Variants in INO80 observed in about 807,000 individuals in gnomAD.
INO80 encodes the protein INO80 complex ATPase subunit, also known as chromatin-remodeling ATPase INO80.
Under a neutral mutation model 203.4 loss-of-function variants are expected in INO80, and 20 were observed. The ratio of observed to expected loss-of-function variants is 0.10; its 90% confidence interval spans 0.07 to 0.14. The LOEUF is 0.14. Ranked by LOEUF, INO80 falls within the 10% of genes least tolerant of loss-of-function variation. The pLI, the probability that INO80 is intolerant of heterozygous loss-of-function variation, is 1.00. For synonymous variants in INO80, 726 were observed against 685.2 expected (o/e 1.06, Z -0.93); for missense variants, 1,419 against 1,914.4 (o/e 0.74, Z 4.83).
intron 12 of INO80, among the ~76,000 whole-genome samples, chr15:41,071,417 G>C (rs1362244217): frequency 6.9e-6 from 1 of 145,934 alleles, no homozygotes; most frequent in Non-Finnish European, 1.5e-5. Flanking sequence ...TTAAAAGGGT[G>C]AAATCTAAAA....
At chr15:40,981,492 A>G (rs1484286555) in intron 35 of INO80, among the ~76,000 whole-genome samples, 1 of 152,186 alleles carries the variant, frequency 6.6e-6, no homozygotes, top group African/African-American at 2.4e-5. Context: ...CATACTTCAT[A>G]TTTCCTGGAA....
intron 1 of INO80, among the ~76,000 whole-genome samples, chr15:41,113,567 C>A (rs2045987203): frequency 6.6e-6 from 1 of 151,998 alleles, no homozygotes; most frequent in Admixed American, 6.6e-5. Flanking sequence ...CGCACCCGGC[C>A]AACAAACTTT....
intron 19 of INO80, among the ~76,000 whole-genome samples, chr15:41,053,505 T>C (rs1345592514): frequency 6.6e-6 from 1 of 152,232 alleles, no homozygotes; most frequent in African/African-American, 2.4e-5. Context: ...CTGGTCTTTT[T>C]AAATAGGTGT....
rs776508189 is a variant in INO80 at position 41,047,521 on chromosome 15, T to C, written c.2642-20A>G. 45 of 1,534,412 alleles carry C rather than the reference T, an allele frequency of 2.9e-5. No individual in the cohort carries two copies. In the East Asian group the frequency reaches 8.8e-4, roughly 30 times the overall value. ...TAATACCTGAAATATAAAAGACAAT[T>C]TGAAACCCAACAGCAAACCAAGAGA... is the stretch of plus-strand genomic sequence containing the variant. On this transcript the variant is annotated intron_variant, in intron 22 of 35. Coordinates refer to ENST00000648947, the MANE Select transcript of INO80 (RefSeq NM_017553.3).
At chr15:41,025,220 T>G (rs867896386) in intron 25 of INO80, among the ~76,000 whole-genome samples, 2 of 152,326 alleles carry the variant, frequency 1.3e-5, no homozygotes, top group South Asian at 4.1e-4. Context: ...GCAGGCATGG[T>G]AGCTGGGATT....
chr15:41,052,294 A>G (rs890094206), intron 19 of INO80, among the ~76,000 whole-genome samples: 1 of 152,178 alleles, frequency 6.6e-6, no homozygotes, highest in African/African-American at 2.4e-5. Flanking sequence ...CAATTTCAAA[A>G]AACTACCCAT....
rs200189619 is a variant in INO80 at position 41,016,079 on chromosome 15, C to T, written c.3402+9G>A. The T allele has an allele frequency of 1.7e-5, 28 of 1,608,252 alleles. No individual in the cohort carries two copies. The East Asian group carries it at 2.2e-4, about 13-fold the overall frequency. ...AGGTATCCTAGGTCCCCAAGATTCCCTCTCCTACCTCCAGTAGGTCTATCA... is the reference window on the plus strand; with the variant it reads ...AGGTATCCTAGGTCCCCAAGATTCCTTCTCCTACCTCCAGTAGGTCTATCA... On this transcript the variant is annotated intron_variant, in intron 27 of 35. Coordinates refer to ENST00000648947, the MANE Select transcript of INO80 (RefSeq NM_017553.3).
At chr15:40,995,042 GAT>G (rs2043864159) in intron 29 of INO80, among the ~76,000 whole-genome samples, 1 of 152,110 alleles carries the variant, frequency 6.6e-6, no homozygotes, top group Non-Finnish European at 1.5e-5. Context: ...ATTTAGCAGA[GAT>G]ATGGTTTCAC....
chr15:41,022,189 G>C (rs2140469274), intron 25 of INO80, among the ~76,000 whole-genome samples: 1 of 152,346 alleles, frequency 6.6e-6, no homozygotes, highest in East Asian at 1.9e-4. Flanking sequence ...TTGCTCAGAA[G>C]AACCCTAAAG....
intron 29 of INO80, among the ~76,000 whole-genome samples, chr15:40,996,465 G>T (rs1429242654): frequency 1.3e-5 from 2 of 152,012 alleles, no homozygotes; most frequent in Non-Finnish European, 2.9e-5. Flanking sequence ...GGGACTACAG[G>T]CATGTGTCAC....
At chr15:41,013,862 T>C (rs2044165875) in intron 27 of INO80, among the ~76,000 whole-genome samples, 3 of 152,348 alleles carry the variant, frequency 2.0e-5, no homozygotes, top group Non-Finnish European at 1.5e-5. Flanking sequence ...GGCTTTGAAT[T>C]TGCATTTCCC....
intron 1 of INO80, 77 bp downstream of exon 1, chr15:41,115,896 T>A: frequency 2.7e-6 from 1 of 376,598 alleles, no homozygotes; most frequent in Non-Finnish European, 4.7e-6. Flanking sequence ...GCGGCCCAGT[T>A]GTCGCCCGCA....
intron 27 of INO80, chr15:41,011,746 A>C (rs1218141595): frequency 1.3e-5 from 2 of 152,208 alleles, no homozygotes; most frequent in Non-Finnish European, 2.9e-5. Context: ...GGTAACCTGC[A>C]TTTCTAAGAG....
chr15:41,072,447 G>A (rs563443784), intron 11 of INO80, among the ~76,000 whole-genome samples: 56 of 151,730 alleles, frequency 3.7e-4, no homozygotes, highest in African/African-American at 1.3e-3. Context: ...TGGGCCAGGC[G>A]CAGTGGCTCA....
intron 1 of INO80, among the ~76,000 whole-genome samples, chr15:41,107,880 T>A (rs1322128510): frequency 6.6e-6 from 1 of 151,228 alleles, no homozygotes; most frequent in Non-Finnish European, 1.5e-5. Flanking sequence ...GGAGGGTGGA[T>A]CACGAGGTCA....
chr15:41,056,773 C>T, intron 16 of INO80, 67 bp from the exon 17 acceptor site: 1 of 1,347,508 alleles, frequency 7.4e-7, no homozygotes, highest in South Asian at 1.2e-5. Context: ...CCTACTGAGA[C>T]CCCATATTGA....
intron 2 of INO80, 40 bp from the exon 3 acceptor site, chr15:41,095,968 A>G: frequency 6.4e-7 from 1 of 1,562,522 alleles, no homozygotes; most frequent in Non-Finnish European, 8.7e-7. Context: ...CAGCTGACCC[A>G]ATAAAATATA....
In INO80 at chr15:41,058,626, CT is replaced by C. The variant is rs770172720; in HGVS notation, c.1985+12del. 3 of 1,608,658 alleles carry C rather than the reference CT, an allele frequency of 1.9e-6. No individual in the cohort carries two copies. Among genetic ancestry groups the C allele is most frequent in the Middle Eastern group, 1.7e-4 (1 of 6,002 alleles). On this transcript the variant is annotated intron_variant, in intron 16 of 35. Coordinates refer to ENST00000648947, the MANE Select transcript of INO80 (RefSeq NM_017553.3). ...CCCAATGCATTGAGTTTGGTTTCTA[CT>C]ACTCATGTTACCTGGAACTACTCTT... is the stretch of plus-strand genomic sequence containing the variant.
intron 28 of INO80, among the ~76,000 whole-genome samples, chr15:41,004,161 T>C (rs1291261181): frequency 2.0e-5 from 3 of 152,214 alleles, no homozygotes; most frequent in Non-Finnish European, 4.4e-5. Context: ...GAAGCTAGGT[T>C]AGGCTATCCA....
Sources: gnomAD v4.1 joint callset for allele counts (sites outside exome capture counted in the v4.1 genomes callset) on GRCh38, gnomAD v4.1.1 for gene constraint, MANE v1.5 for transcripts, NCBI Gene and HGNC (gene_info 2026-07-23, HGNC 2026-07-21) for gene names.